Variants in NRXN3 observed in about 807,000 individuals in gnomAD.
NRXN3 encodes neurexin III.
Under a neutral mutation model 137.6 loss-of-function variants are expected in NRXN3, and 32 were observed. That is an observed-to-expected ratio of 0.23 (90% CI 0.18 to 0.31). The LOEUF (loss-of-function observed/expected upper bound fraction) is 0.31. Among genes scored for constraint, NRXN3 ranks in the 10% least tolerant of loss-of-function variants. The pLI, the probability that NRXN3 is intolerant of heterozygous loss-of-function variation, is 1.00. For synonymous variants in NRXN3, 798 were observed against 784.5 expected (o/e 1.02, Z -0.29); for missense variants, 1,574 against 2,062.5 (o/e 0.76, Z 4.59).
chr14:79,597,882 A>G (rs1429457862), intron 16 of NRXN3, among the ~76,000 whole-genome samples: 1 of 152,184 alleles, frequency 6.6e-6, no homozygotes, highest in Non-Finnish European at 1.5e-5. Flanking sequence ...CAGAGGAAAA[A>G]ATTAAACCAG....
chr14:78,387,002 G>A (rs749585159), intron 4 of NRXN3, among the ~76,000 whole-genome samples: 1 of 151,982 alleles, frequency 6.6e-6, no homozygotes, highest in Non-Finnish European at 1.5e-5. Context: ...GGCTAGTCTC[G>A]ATCTCCTGAC....
At chr14:78,376,991 A>T (rs2087980312) in intron 4 of NRXN3, among the ~76,000 whole-genome samples, 1 of 152,220 alleles carries the variant, frequency 6.6e-6, no homozygotes, top group African/African-American at 2.4e-5. Context: ...TTATTCAAGT[A>T]ATCAATAGGA....
At chr14:78,736,145 T>TGA (rs10625711) in intron 8 of NRXN3, among the ~76,000 whole-genome samples, 63,749 of 151,832 alleles carry the variant, frequency 0.42, 14,646 homozygotes, top group Middle Eastern at 0.51. Context: ...CCATGTATCT[T>TGA]ATTCTGAAAG....
chr14:78,810,327 G>T lies in NRXN3; in HGVS notation c.2258G>T (p.Arg753Met). The part of the protein sequence containing the change: ...VKLMVNLDCI[R>M]INCNSSKGPE... ...ATTTTTCCCCATCTAGACTGTATCA[G>T]GATAAACTGTAACTCCAGTAAGTTT... Residue 753 changes from arginine (R) to methionine (M), a missense_variant, in exon 10 of 21, where the codon AGG becomes ATG. Coordinates refer to ENST00000335750, the MANE Select transcript of NRXN3 (RefSeq NM_001330195.2). 6.7e-7 allele frequency: 1 copy of T among 1,494,176 alleles called. No individual in the cohort carries two copies. The highest frequency in any genetic ancestry group is 9.0e-7 in the Non-Finnish European group (1 of 1,115,084). The allele number at this position is 1,494,176 out of a possible 1,614,324, so 92.6% of individuals were successfully genotyped here.
At chr14:79,328,708 A>G (rs970866282) in intron 15 of NRXN3, among the ~76,000 whole-genome samples, 9 of 152,162 alleles carry the variant, frequency 5.9e-5, no homozygotes, top group Non-Finnish European at 1.3e-4. Context: ...AGTTCTGAAT[A>G]AGAACTTCTA....
chr14:78,565,640 G>A (rs979526570), intron 4 of NRXN3, among the ~76,000 whole-genome samples: 14 of 152,170 alleles, frequency 9.2e-5, no homozygotes, highest in Non-Finnish European at 1.3e-4. Context: ...GCTATGAGGT[G>A]CCAGTGTGAT....
intron 15 of NRXN3, among the ~76,000 whole-genome samples, chr14:79,250,408 G>T (rs1332380691): frequency 6.6e-6 from 1 of 152,178 alleles, no homozygotes; most frequent in Non-Finnish European, 1.5e-5. Flanking sequence ...TAAGATTCTT[G>T]TCCTCAGAGA....
At chr14:79,282,229 C>G (rs1160337971) in intron 15 of NRXN3, among the ~76,000 whole-genome samples, 2 of 151,536 alleles carry the variant, frequency 1.3e-5, no homozygotes, top group Admixed American at 6.6e-5. Context: ...GCGGGTAAGA[C>G]AGGAAAAAAA....
chr14:78,900,919 A>G (rs1038645229), intron 10 of NRXN3, among the ~76,000 whole-genome samples: 1 of 152,022 alleles, frequency 6.6e-6, no homozygotes, highest in African/African-American at 2.4e-5. Flanking sequence ...CCCATTTGAC[A>G]GATACACAAG....
Position 79,508,390 on chromosome 14 carries a change from A to ATTTTT in NRXN3, c.3444+41000_3444+41004dup, listed in dbSNP as rs528502246. On this transcript the variant is annotated intron_variant, in intron 16 of 20. Transcript: ENST00000335750. ...AATTTTCTTTATAAAACAATAACTGATTTTTTTTTTTTTTTTAAGACAGAG... is the reference window on the plus strand; with the variant it reads ...AATTTTCTTTATAAAACAATAACTGATTTTTTTTTTTTTTTTTTTTTAAGACAGAG... 1.3e-3 allele frequency among the ~76,000 whole-genome samples: 61 copies of ATTTTT among 48,224 alleles called. 13 individuals are homozygous for ATTTTT. The highest frequency in any genetic ancestry group is 2.4e-3 in the South Asian group (3 of 1,236). 31.6% of individuals were successfully genotyped at this position (48,224 alleles called of 152,430 possible).
chr14:79,148,438 C>A (rs534886567), intron 15 of NRXN3, among the ~76,000 whole-genome samples: 1 of 152,240 alleles, frequency 6.6e-6, no homozygotes, highest in Non-Finnish European at 1.5e-5. Context: ...ATTTCAGACT[C>A]GGGAGTAGGG....
At chr14:79,700,061 A>G (rs943043556) in intron 19 of NRXN3, among the ~76,000 whole-genome samples, 11 of 152,032 alleles carry the variant, frequency 7.2e-5, no homozygotes, top group South Asian at 6.2e-4. Context: ...CCTGTGCTCC[A>G]TTAAAAACTT....
chr14:78,701,027 C>T (rs1029956222), intron 6 of NRXN3, among the ~76,000 whole-genome samples: 1 of 152,144 alleles, frequency 6.6e-6, no homozygotes, highest in African/African-American at 2.4e-5. Context: ...GCCTCGGCCT[C>T]CCAAAGTGTT....
At position 78,672,371 on chromosome 14, in the gene NRXN3, T is replaced by C. The variant is rs1250979605; in HGVS notation, c.1221+21045T>C. ...AGGACCAACTGTATTTATTTATCTTTGTATCTCCAGGGCCAGGCACTATGG... is the reference window on the plus strand; with the variant it reads ...AGGACCAACTGTATTTATTTATCTTCGTATCTCCAGGGCCAGGCACTATGG... On this transcript the variant is annotated intron_variant, in intron 6 of 20. Transcript: ENST00000335750. 2.6e-5 allele frequency among the ~76,000 whole-genome samples: 4 copies of C among 152,338 alleles called. No homozygotes were observed. In the East Asian group the frequency reaches 7.7e-4, roughly 29 times the overall value.
chr14:78,323,572 C>G (rs8019860), intron 4 of NRXN3, among the ~76,000 whole-genome samples: 76,281 of 151,816 alleles, frequency 0.5, 20,443 homozygotes, highest in East Asian at 0.68. Flanking sequence ...CATTTATCAG[C>G]TAAATCCTCC....
chr14:79,128,924 G>C (rs569105785), intron 15 of NRXN3, among the ~76,000 whole-genome samples: 1 of 152,000 alleles, frequency 6.6e-6, no homozygotes, highest in South Asian at 2.1e-4. Flanking sequence ...ATGTGTCGAG[G>C]AATTTATCCA....
In NRXN3 at chr14:79,697,800, G is replaced by A; in HGVS notation, c.3877G>A (p.Val1293Ile). 3.1e-6 allele frequency: 5 copies of A among 1,613,192 alleles called. No homozygotes were observed. The highest frequency in any genetic ancestry group is 4.2e-6 in the Non-Finnish European group (5 of 1,179,466). The change falls in exon 19 of 21, where the codon GTT (valine) becomes ATT (isoleucine). Residue 1293 changes from valine (V) to isoleucine (I), a missense_variant. Coordinates refer to ENST00000335750, the MANE Select transcript of NRXN3 (RefSeq NM_001330195.2). ...TAAAATCAATGGAAGTGTTCGGCTGGTTGGAGAAGTCCCATCAATTTTGGG... is the reference window on the plus strand; with the variant it reads ...TAAAATCAATGGAAGTGTTCGGCTGATTGGAGAAGTCCCATCAATTTTGGG... ...NIKINGSVRL[V>I]GEVPSILGTT...
chr14:78,528,924 C>T (rs935710370), intron 4 of NRXN3, among the ~76,000 whole-genome samples: 1 of 152,068 alleles, frequency 6.6e-6, no homozygotes, highest in African/African-American at 2.4e-5. Context: ...CTTCCCTCAC[C>T]CTATTCCCAG....
chr14:78,530,261 A>G (rs1269825745), intron 4 of NRXN3, among the ~76,000 whole-genome samples: 2 of 152,220 alleles, frequency 1.3e-5, no homozygotes, highest in African/African-American at 2.4e-5. Flanking sequence ...CACCGTGGAC[A>G]GAGGCACCAG....
Sources: gnomAD v4.1 joint callset for allele counts (sites outside exome capture counted in the v4.1 genomes callset) on GRCh38, gnomAD v4.1.1 for gene constraint, MANE v1.5 for transcripts, NCBI Gene and HGNC (gene_info 2026-07-23, HGNC 2026-07-21) for gene names.